COL24A1: variants seen among roughly 807,000 people sequenced by gnomAD.
COL24A1 encodes the protein collagen type XXIV alpha 1 chain.
In COL24A1, 224 loss-of-function variants were observed where a neutral mutation model predicts 253.9. The observed-to-expected ratio is 0.88, with a 90% CI of 0.79 to 0.99. The LOEUF (loss-of-function observed/expected upper bound fraction) is 0.99, where lower values mean the gene tolerates loss of function less well. COL24A1 is among the 50% of genes least tolerant of loss of function. The probability of loss-of-function intolerance (pLI) is 0.00; values close to 1 mark genes in which losing one functional copy is unlikely to be tolerated. For synonymous variants in COL24A1, 685 were observed against 673.7 expected, an observed-to-expected ratio of 1.02 and a Z score of -0.26; for missense variants, 2,131 against 2,068.5, an observed-to-expected ratio of 1.03 and a Z score of -0.59.
chr1:85,944,507 G>A (rs1025686341), intron 24 of COL24A1, among the ~76,000 whole-genome samples: 6 of 151,504 alleles, frequency 4.0e-5, no homozygotes, highest in South Asian at 2.1e-4. Flanking sequence ...TTATATTTTC[G>A]GATTTGATCT....
chr1:85,778,726 TC>T (rs950774464), intron 52 of COL24A1, among the ~76,000 whole-genome samples: 1 of 150,874 alleles, frequency 6.6e-6, no homozygotes, highest in African/African-American at 2.4e-5. Flanking sequence ...TGCCTCAGCC[TC>T]CCAGGTAGCT....
At chr1:85,975,295 G>A (rs1692557238) in intron 20 of COL24A1, among the ~76,000 whole-genome samples, 1 of 152,128 alleles carries the variant, frequency 6.6e-6, no homozygotes, top group Non-Finnish European at 1.5e-5. Context: ...CAGTATATCA[G>A]AGAGATAATC....
chr1:85,756,441 T>A (rs530119971), intron 55 of COL24A1, among the ~76,000 whole-genome samples: 1 of 152,044 alleles, frequency 6.6e-6, no homozygotes, highest in East Asian at 1.9e-4. Flanking sequence ...TACAAATGTC[T>A]AATAAACACA....
At chr1:86,045,756 G>T in intron 12 of COL24A1, 1 of 356,646 alleles carries the variant, frequency 2.8e-6, no homozygotes, top group South Asian at 2.4e-5. Context: ...AAAATGTTTG[G>T]CTTATTTTGT....
chr1:85,889,679 A>C (rs370452177), intron 31 of COL24A1, 66 bp from the exon 32 acceptor site: 1 of 1,380,488 alleles, frequency 7.2e-7, no homozygotes, highest in South Asian at 1.2e-5. Context: ...CACTTTCCTT[A>C]CCTTAGCTTT....
chr1:85,772,421 TA>T (rs1293066432), intron 53 of COL24A1, among the ~76,000 whole-genome samples: 1 of 152,062 alleles, frequency 6.6e-6, no homozygotes, highest in Admixed American at 6.6e-5. Flanking sequence ...GATCTAGAAC[TA>T]GAAATACCAT....
At chr1:85,827,511 C>T (rs977391580) in intron 43 of COL24A1, among the ~76,000 whole-genome samples, 11 of 151,786 alleles carry the variant, frequency 7.2e-5, no homozygotes, top group Non-Finnish European at 1.6e-4. Flanking sequence ...GTACCATTTC[C>T]TCCTTGTACC....
In COL24A1 at chr1:86,125,513, CAAAT is replaced by C; in HGVS notation, c.819_822del (p.Phe274LeufsTer20). The C allele has an allele frequency of 1.2e-6, 2 of 1,613,542 alleles. No individual in the cohort carries two copies. Among genetic ancestry groups the C allele is most frequent in the Non-Finnish European group, 1.7e-6 (2 of 1,179,770 alleles). ...GTATCCTCTGACAGTACTTTTTCAG[CAAAT>C]AGTTTGGGCGGGGGAGAGTGTTCCG... On this transcript the variant is annotated frameshift_variant, in exon 3 of 60. Transcript: ENST00000370571. LOFTEE classifies it high-confidence loss of function.
chr1:86,063,199 T>C (rs965973329), intron 8 of COL24A1, among the ~76,000 whole-genome samples: 1 of 148,696 alleles, frequency 6.7e-6, no homozygotes, highest in African/African-American at 2.5e-5. Flanking sequence ...ATTGTGTATG[T>C]GTATTATGGA....
intron 3 of COL24A1, among the ~76,000 whole-genome samples, chr1:86,121,814 T>A (rs1557708851): frequency 6.6e-6 from 1 of 152,132 alleles, no homozygotes; most frequent in Non-Finnish European, 1.5e-5. Flanking sequence ...TTGGTTATTA[T>A]AAGGGGAGGT....
intron 47 of COL24A1, among the ~76,000 whole-genome samples, chr1:85,786,681 G>A (rs182209041): frequency 1.3e-5 from 2 of 152,138 alleles, no homozygotes; most frequent in Non-Finnish European, 2.9e-5. Context: ...AATGATCTTG[G>A]GTTTTTAAAA....
rs1487300207 is a variant in COL24A1 at position 85,783,529 on chromosome 1, C to T, written c.4251G>A (p.Gly1417=). Residue 1417 remains glycine (G), a synonymous_variant, in exon 51 of 60, where the codon GGG becomes GGA. Transcript: ENST00000370571. ...KGPEGDAGIV[G]ISGPKGPIGH... ...CAATAGGACCTTTAGGACCTGATAT[C>T]CCAACAATGCCAGCATCCCCTTCAG... is the stretch of plus-strand genomic sequence containing the variant. 1 of 1,613,348 alleles carries T rather than the reference C, an allele frequency of 6.2e-7. No individual in the cohort carries two copies. The highest frequency in any genetic ancestry group is 1.3e-5 in the African/African-American group (1 of 74,886).
rs772812043 is a variant in COL24A1, at chr1:86,125,153, A to T, written c.1183T>A (p.Ser395Thr). Reference protein sequence around the residue: ...TGLSLFKKMPSILPQIKQDTI... With the variant: ...TGLSLFKKMPTILPQIKQDTI... ...TCTTGTTTAATTTGTGGAAGAATAG[A>T]TGGCATCTTCTTAAACAGTGACAGA... The change falls in exon 3 of 60, where the codon TCT becomes ACT. Residue 395 changes from serine (S) to threonine (T), a missense_variant. Coordinates refer to ENST00000370571, the MANE Select transcript of COL24A1 (RefSeq NM_152890.7). The T allele has an allele frequency of 6.8e-6, 11 of 1,613,288 alleles. No individual in the cohort carries two copies. The South Asian group carries it at 1.1e-4, about 16-fold the overall frequency.
At chr1:86,113,186 CTG>C (rs1705783015) in intron 4 of COL24A1, among the ~76,000 whole-genome samples, 1 of 152,182 alleles carries the variant, frequency 6.6e-6, no homozygotes, top group African/African-American at 2.4e-5. Context: ...GTGCTAGGAA[CTG>C]TGTTGATGTT....
At chr1:85,982,421 C>G (rs922678932) in intron 20 of COL24A1, among the ~76,000 whole-genome samples, 1 of 151,874 alleles carries the variant, frequency 6.6e-6, no homozygotes, top group Non-Finnish European at 1.5e-5. Context: ...GGGTGTATTT[C>G]ATGTTATATG....
chr1:85,860,772 CA>C (rs1679053717), intron 37 of COL24A1, among the ~76,000 whole-genome samples: 1 of 152,090 alleles, frequency 6.6e-6, no homozygotes, highest in Admixed American at 6.6e-5. Flanking sequence ...AAAAACAATT[CA>C]ATATGTGGTT....
chr1:85,874,785 TC>T, intron 34 of COL24A1, 83 bp from the exon 35 acceptor site: 1 of 1,468,762 alleles, frequency 6.8e-7, no homozygotes, highest in Non-Finnish European at 9.4e-7. Flanking sequence ...ACGGCACAGT[TC>T]CCCAACGCCT....
intron 28 of COL24A1, among the ~76,000 whole-genome samples, chr1:85,898,662 C>T (rs775041346): frequency 3.3e-5 from 5 of 152,080 alleles, no homozygotes; most frequent in Non-Finnish European, 5.9e-5. Flanking sequence ...AGATGTATAC[C>T]GAGTGCCTAC....
intron 50 of COL24A1, 125 bp from the exon 51 acceptor site, chr1:85,783,683 A>C: frequency 1.2e-6 from 1 of 809,910 alleles, no homozygotes; most frequent in South Asian, 1.7e-5. Flanking sequence ...GTGCATGCTG[A>C]AGAATTCAGA....
Sources: allele counts gnomAD v4.1 joint callset (sites outside exome capture counted in the v4.1 genomes callset), GRCh38; gene constraint gnomAD v4.1.1; transcripts MANE v1.5; gene names NCBI Gene and HGNC (gene_info 2026-07-23, HGNC 2026-07-21).